Variants in AADAT observed in about 807,000 individuals in gnomAD.
The protein encoded by AADAT is kynurenine/alpha-aminoadipate aminotransferase, mitochondrial.
In AADAT, 25 loss-of-function variants were observed where a neutral mutation model predicts 56.2. The ratio of observed to expected loss-of-function variants is 0.44; its 90% CI spans 0.32 to 0.62. AADAT has a LOEUF of 0.62. AADAT is among the 20% of genes least tolerant of loss of function. The probability of loss-of-function intolerance (pLI) is 0.04; values close to 1 mark genes in which losing one functional copy is unlikely to be tolerated. For synonymous variants in AADAT, 173 were observed against 164.7 expected (o/e 1.05, Z -0.39); for missense variants, 387 against 510.5 (o/e 0.76, Z 2.33).
At chr4:170,087,299 C>G (rs776018930) in intron 2 of AADAT, 51 bp from the exon 3 acceptor site, 7 of 1,516,388 alleles carry the variant, frequency 4.6e-6, no homozygotes, top group Non-Finnish European at 5.4e-6. Flanking sequence ...ATCATAGTAA[C>G]AGTAGTAGAC....
At chr4:170,068,248 C>G (rs986357511) in intron 8 of AADAT, among the ~76,000 whole-genome samples, 1 of 151,868 alleles carries the variant, frequency 6.6e-6, no homozygotes, top group African/African-American at 2.4e-5. Context: ...AAACATGGGG[C>G]CATCTGCACT....
At chr4:170,085,611 T>C (rs943860863) in intron 3 of AADAT, among the ~76,000 whole-genome samples, 1 of 152,226 alleles carries the variant, frequency 6.6e-6, no homozygotes, top group African/African-American at 2.4e-5. Context: ...TGAGCAACTT[T>C]CTGGAAGAAA....
chr4:170,074,902 T>C (rs540884681), intron 4 of AADAT, among the ~76,000 whole-genome samples: 1 of 152,268 alleles, frequency 6.6e-6, no homozygotes, highest in South Asian at 2.1e-4. Context: ...GAAATAATAA[T>C]TGAATGAGGT....
At chr4:170,078,629 T>G (rs1732154298) in intron 3 of AADAT, 46 bp from the exon 4 acceptor site, 3 of 1,366,860 alleles carry the variant, frequency 2.2e-6, no homozygotes, top group Middle Eastern at 1.8e-4. Flanking sequence ...CATAGGTTAG[T>G]ACTGTTTCCA....
chr4:170,093,709 C>T (rs1170940176), upstream of AADAT, among the ~76,000 whole-genome samples: 1 of 152,154 alleles, frequency 6.6e-6, no homozygotes, highest in Non-Finnish European at 1.5e-5. Flanking sequence ...ATTTCTCTCA[C>T]CTCAGCTTCC....
intron 2 of AADAT, among the ~76,000 whole-genome samples, 174 bp from the exon 3 acceptor site, chr4:170,087,422 G>C (rs907083523): frequency 1.3e-5 from 2 of 152,196 alleles, no homozygotes; most frequent in African/African-American, 4.8e-5. Flanking sequence ...AGTAGACTTA[G>C]AGATTAGGAA....
intron 4 of AADAT, among the ~76,000 whole-genome samples, chr4:170,073,692 G>C (rs368680707): frequency 1.7e-4 from 26 of 152,036 alleles, no homozygotes; most frequent in African/African-American, 6.0e-4. Flanking sequence ...GTAGCGATGG[G>C]GTTTCACCAT....
chr4:170,064,460 G>A (rs72702381), intron 11 of AADAT, among the ~76,000 whole-genome samples: 82 of 152,284 alleles, frequency 5.4e-4, no homozygotes, highest in African/African-American at 1.6e-3. Flanking sequence ...GTGTGGCTCC[G>A]GAGACTACCC....
chr4:170,086,775 T>A, intron 3 of AADAT, among the ~76,000 whole-genome samples: 1 of 152,146 alleles, frequency 6.6e-6, no homozygotes, highest in Non-Finnish European at 1.5e-5. Flanking sequence ...TAAGAAAGAT[T>A]AGGCTAGTGA....
At chr4:170,076,563 G>A (rs1440759005) in intron 4 of AADAT, among the ~76,000 whole-genome samples, 1 of 151,998 alleles carries the variant, frequency 6.6e-6, no homozygotes, top group Non-Finnish European at 1.5e-5. Flanking sequence ...TTTAAATTGG[G>A]TTGTTTATCT....
chr4:170,089,369 C>T, intron 1 of AADAT: 2 of 589,846 alleles, frequency 3.4e-6, no homozygotes, highest in Admixed American at 2.9e-5. Flanking sequence ...GGCCGTGCCC[C>T]ACAGCAGTCT....
At chr4:170,076,056 T>C (rs1732020263) in intron 4 of AADAT, among the ~76,000 whole-genome samples, 1 of 152,230 alleles carries the variant, frequency 6.6e-6, no homozygotes. Flanking sequence ...TGAACATTTG[T>C]ATACAAGTAT....
At chr4:170,073,511 A>T (rs2622070) in intron 4 of AADAT, among the ~76,000 whole-genome samples, 166 bp from the exon 5 acceptor site, 86,256 of 148,530 alleles carry the variant, frequency 0.58, 26,945 homozygotes, top group East Asian at 0.96. Flanking sequence ...ACATTTATTT[A>T]TTTTTTTTTT....
At chr4:170,091,251 C>G (rs1463071398), upstream of AADAT, among the ~76,000 whole-genome samples, 1 of 152,114 alleles carries the variant, frequency 6.6e-6, no homozygotes, top group Non-Finnish European at 1.5e-5. Context: ...GGGCGGGAAC[C>G]AGGGCTGTGC....
chr4:170,073,017 T>A (rs1424536542), intron 5 of AADAT, 119 bp downstream of exon 5: 2 of 912,304 alleles, frequency 2.2e-6, no homozygotes, highest in Non-Finnish European at 3.3e-6. Context: ...TTTCCTTTTA[T>A]TAAAAATTAT....
intron 9 of AADAT, 132 bp from the exon 10 acceptor site, chr4:170,066,610 G>A: frequency 1.5e-6 from 1 of 647,760 alleles, no homozygotes; most frequent in Admixed American, 2.3e-5. Context: ...TAGAAGAATG[G>A]AGCATATTTG....
intron 2 of AADAT, 139 bp from the exon 3 acceptor site, chr4:170,087,387 G>T: frequency 1.3e-6 from 1 of 750,606 alleles, no homozygotes; most frequent in Non-Finnish European, 2.1e-6. Flanking sequence ...TTGCCAGTAT[G>T]AATATTCCTA....
upstream of AADAT, among the ~76,000 whole-genome samples, chr4:170,092,964 G>T (rs1732911523): frequency 1.3e-5 from 2 of 152,208 alleles, no homozygotes; most frequent in Admixed American, 1.3e-4. Flanking sequence ...TCTAAAAGTA[G>T]TTCCTGAATT....
intron 6 of AADAT, 81 bp downstream of exon 6, chr4:170,070,506 G>T: frequency 1.1e-6 from 1 of 946,634 alleles, no homozygotes; most frequent in Non-Finnish European, 1.6e-6. Context: ...TGACTCAGCA[G>T]TCAGCCTAAT....
Sources: gnomAD v4.1 joint callset for allele counts (sites outside exome capture counted in the v4.1 genomes callset) on GRCh38, gnomAD v4.1.1 for gene constraint, MANE v1.5 for transcripts, NCBI Gene and HGNC (gene_info 2026-07-23, HGNC 2026-07-21) for gene names.